TPT1: variants seen among roughly 807,000 people sequenced by gnomAD.
The protein encoded by TPT1 is tumor protein, translationally-controlled 1.
In TPT1, 5 loss-of-function variants were observed where a neutral mutation model predicts 22.8. The observed-to-expected ratio is 0.22, with a 90% CI of 0.11 to 0.46. TPT1 has a LOEUF of 0.46. Among genes scored for constraint, TPT1 ranks in the 20% least tolerant of loss-of-function variants. TPT1 has a pLI of 0.99. For missense variants in TPT1, 130 were observed against 218.7 expected (o/e 0.59, Z 2.56); for synonymous variants, 89 against 73.6 (o/e 1.21, Z -1.07).
rs1239575827 is a variant in TPT1, at chr13:45,336,268, G to A, written c.*1118C>T. ...AGTTGCTTGTGCCACTGCACTACAA[G>A]CCTGGGTGACCGACCTGCCTCAAAA... On this transcript the variant is annotated 3_prime_UTR_variant, in exon 6 of 6. Transcript: ENST00000530705. The A allele has an allele frequency of 1.3e-5, 2 of 152,252 alleles. No individual in the cohort carries two copies. Among genetic ancestry groups the A allele is most frequent in the Non-Finnish European group, 2.9e-5 (2 of 68,074 alleles). 9.4% of individuals were successfully genotyped at this position (152,252 alleles called of 1,614,324 possible).
At position 45,337,379 on chromosome 13, in the gene TPT1, A is replaced by T; in HGVS notation, c.*7T>A. On this transcript the variant is annotated 3_prime_UTR_variant, in exon 6 of 6. Coordinates refer to ENST00000530705, the MANE Select transcript of TPT1 (RefSeq NM_003295.4). The stretch of plus-strand genomic sequence containing the variant: ...AGGTGATAGATCCAAAATAATTGCC[A>T]CATTTGTTACTGTAAAAGCAAAAAC... The T allele has an allele frequency of 6.2e-7, 1 of 1,614,016 alleles. No individual in the cohort carries two copies. Among genetic ancestry groups the T allele is most frequent in the Non-Finnish European group, 8.5e-7 (1 of 1,179,898 alleles).
Position 45,341,143 on chromosome 13 carries a change from C to A in TPT1, c.-74G>T, listed in dbSNP as rs1462769761. On this transcript the variant is annotated 5_prime_UTR_variant, in exon 1 of 6. Coordinates refer to ENST00000530705, the MANE Select transcript of TPT1 (RefSeq NM_003295.4). Reference sequence around the variant, plus strand: ...GAAACTCGGAGCGAGCGCGGTGCAGCCGGAGCGGCGCTCGGGGGGAGGGGG... The same window carrying A: ...GAAACTCGGAGCGAGCGCGGTGCAGACGGAGCGGCGCTCGGGGGGAGGGGG... The A allele has an allele frequency of 6.9e-6, 11 of 1,588,264 alleles. No homozygotes were observed. In the East Asian group the frequency reaches 1.8e-4, roughly 27 times the overall value.
chr13:45,338,003 C>T (rs1027715709), intron 5 of TPT1, among the ~76,000 whole-genome samples: 1 of 152,148 alleles, frequency 6.6e-6, no homozygotes, highest in Admixed American at 6.6e-5. Context: ...ATCAGTAAAC[C>T]AAAGTGAAAA....
intron 3 of TPT1, 34 bp downstream of exon 3, chr13:45,339,960 T>C (rs1878971464): frequency 1.9e-6 from 3 of 1,607,960 alleles, no homozygotes; most frequent in South Asian, 2.2e-5. Flanking sequence ...TGTAAGATTC[T>C]AGACATCAGC....
intron 5 of TPT1, among the ~76,000 whole-genome samples, chr13:45,337,978 G>A (rs993156463): frequency 1.9e-4 from 29 of 152,278 alleles, no homozygotes; most frequent in African/African-American, 6.7e-4. Flanking sequence ...GCTTTTCAAT[G>A]ATCAGCTGCC....
Position 45,334,970 on chromosome 13 carries a change from T to C in TPT1, c.*2416A>G, listed in dbSNP as rs1878579931. ...CCTACTTCCACACCTTCATTTGTTT[T>C]CAAATGTCACATTACAAGGACCTTC... On this transcript the variant is annotated 3_prime_UTR_variant, in exon 6 of 6. Coordinates refer to ENST00000530705, the MANE Select transcript of TPT1 (RefSeq NM_003295.4). 6.6e-6 allele frequency: 1 copy of C among 152,246 alleles called. No individual in the cohort carries two copies. Among genetic ancestry groups the C allele is most frequent in the Non-Finnish European group, 1.5e-5 (1 of 68,048 alleles). 9.4% of individuals were successfully genotyped at this position (152,246 alleles called of 1,614,324 possible). A position where few individuals can be genotyped will look rare whatever the true frequency, so the allele number is the denominator to read the frequency against.
At position 45,337,355 on chromosome 13, in the gene TPT1, G is replaced by C; in HGVS notation, c.*31C>G. 1 of 1,611,236 alleles carries C rather than the reference G, an allele frequency of 6.2e-7. No homozygotes were observed. Among genetic ancestry groups the C allele is most frequent in the East Asian group, 2.2e-5 (1 of 44,856 alleles). Reference sequence around the variant, plus strand: ...CAAGCAGAAGCCAGTTATGATGACAGGTGATAGATCCAAAATAATTGCCAC... The same window carrying C: ...CAAGCAGAAGCCAGTTATGATGACACGTGATAGATCCAAAATAATTGCCAC... On this transcript the variant is annotated 3_prime_UTR_variant, in exon 6 of 6. Transcript: ENST00000530705.
chr13:45,336,471 T>C lies in TPT1; in HGVS notation c.*915A>G, dbSNP rs1459151516. The C allele has an allele frequency of 6.6e-6, 1 of 152,204 alleles. No individual in the cohort carries two copies. Among genetic ancestry groups the C allele is most frequent in the East Asian group, 1.9e-4 (1 of 5,200 alleles). The allele number at this position is 152,204 out of a possible 1,614,324, so 9.4% of individuals were successfully genotyped here. On this transcript the variant is annotated 3_prime_UTR_variant, in exon 6 of 6. Transcript: ENST00000530705. The stretch of plus-strand genomic sequence containing the variant: ...ATTTTCTTATTCAGACACCCCATCT[T>C]TTCAGATACAATATAGAGAACATTT...
In TPT1 at chr13:45,339,094, G is replaced by C. The variant is rs1016083480; in HGVS notation, c.400-318C>G. ...AACCACAGGGAACATAAGGCTGACA[G>C]TGATAGAATATATCATACAGTCTGG... On this transcript the variant is annotated intron_variant, in intron 4 of 5. Transcript: ENST00000530705. The C allele has an allele frequency of 9.4e-5, 29 of 308,448 alleles. No homozygotes were observed. In the East Asian group the frequency reaches 1.8e-3, roughly 19 times the overall value. The allele number at this position is 308,448 out of a possible 1,614,324, so 19.1% of individuals were successfully genotyped here.
At position 45,334,600 on chromosome 13, in the gene TPT1, GTT is replaced by G. The variant is rs1566173488; in HGVS notation, c.*2784_*2785del. 4 of 152,266 alleles carry G rather than the reference GTT, an allele frequency of 2.6e-5. No individual in the cohort carries two copies. In the East Asian group the frequency reaches 7.7e-4, roughly 29 times the overall value. 9.4% of individuals were successfully genotyped at this position (152,266 alleles called of 1,614,324 possible). On this transcript the variant is annotated 3_prime_UTR_variant, in exon 6 of 6. Coordinates refer to ENST00000530705, the MANE Select transcript of TPT1 (RefSeq NM_003295.4). Reference sequence around the variant, plus strand: ...CCATCCTCACCCACCAGCATATCCTGTTGTCTCTATCTTCATTTCCTACCACC... The same window carrying G: ...CCATCCTCACCCACCAGCATATCCTGGTCTCTATCTTCATTTCCTACCACC...
intron 1 of TPT1, 65 bp downstream of exon 1, chr13:45,340,977 C>T (rs1879085170): frequency 3.8e-6 from 6 of 1,570,188 alleles, no homozygotes; most frequent in Non-Finnish European, 5.2e-6. Context: ...GCTGCGCCTT[C>T]CCCGCCCCCA....
rs760884725 is a variant in TPT1, at chr13:45,338,604, C to T, written c.516+56G>A. 1.9e-6 allele frequency: 3 copies of T among 1,587,020 alleles called. 1 individual carries two copies. The highest frequency in any genetic ancestry group is 2.3e-5 in the South Asian group (2 of 86,168). ...TCAGTGTCACAAAACAATTGCAAAT[C>T]ACATCTAAAATGTCTTTTTTACATT... On this transcript the variant is annotated intron_variant, in intron 5 of 5. Transcript: ENST00000530705.
rs1203617194 is a variant in TPT1 at position 45,340,355 on chromosome 13, A to G, written c.103-171T>C. The G allele has an allele frequency of 3.3e-5, 33 of 991,644 alleles. No homozygotes were observed. The East Asian group carries it at 8.6e-4, about 26-fold the overall frequency. 61.4% of individuals were successfully genotyped at this position (991,644 alleles called of 1,614,324 possible). On this transcript the variant is annotated intron_variant, in intron 2 of 5. Transcript: ENST00000530705. ...GGATTTCTCAAAACGACCTAACTTAAAAGAGTTGTCTGTTGGCCGGAACAA... is the reference window on the plus strand; with the variant it reads ...GGATTTCTCAAAACGACCTAACTTAGAAGAGTTGTCTGTTGGCCGGAACAA...
rs906841065 is a variant in TPT1 at position 45,333,491 on chromosome 13, T to C, written c.*3895A>G. 1 of 152,252 alleles carries C rather than the reference T, an allele frequency of 6.6e-6. No individual in the cohort carries two copies. Among genetic ancestry groups the C allele is most frequent in the Admixed American group, 6.5e-5 (1 of 15,280 alleles). 9.4% of individuals were successfully genotyped at this position (152,252 alleles called of 1,614,324 possible). A position where few individuals can be genotyped will look rare whatever the true frequency, so the allele number is the denominator to read the frequency against. Reference sequence around the variant, plus strand: ...CTTTGTTATCAGTGTTCTCTCAAGTTGGTTGAGATTTATTGCTCGTCTTGC... The same window carrying C: ...CTTTGTTATCAGTGTTCTCTCAAGTCGGTTGAGATTTATTGCTCGTCTTGC... On this transcript the variant is annotated 3_prime_UTR_variant, in exon 6 of 6. Transcript: ENST00000530705.
chr13:45,334,076 A>C lies in TPT1; in HGVS notation c.*3310T>G, dbSNP rs940889223. The C allele has an allele frequency of 6.6e-6, 1 of 152,222 alleles. No individual in the cohort carries two copies. Among genetic ancestry groups the C allele is most frequent in the African/African-American group, 2.4e-5 (1 of 41,388 alleles). 9.4% of individuals were successfully genotyped at this position (152,222 alleles called of 1,614,324 possible). A position where few individuals can be genotyped will look rare whatever the true frequency, so the allele number is the denominator to read the frequency against. ...CAGCTCAGCCGCCTGAGTAGCTGGG[A>C]CTACAGATGCCCAATTAATTTTTTT... On this transcript the variant is annotated 3_prime_UTR_variant, in exon 6 of 6. Transcript: ENST00000530705.
At chr13:45,340,971 C>A in intron 1 of TPT1, 71 bp downstream of exon 1, 1 of 1,563,838 alleles carries the variant, frequency 6.4e-7, no homozygotes, top group Non-Finnish European at 8.7e-7. Flanking sequence ...GCGACGGCTG[C>A]GCCTTCCCCG....
In TPT1 at chr13:45,335,971, T is replaced by C. The variant is rs945551122; in HGVS notation, c.*1415A>G. On this transcript the variant is annotated 3_prime_UTR_variant, in exon 6 of 6. Transcript: ENST00000530705. ...GAGTCACTGGCCTGCTTTTAATCTT[T>C]CTTTTACAAGTGTAATCAACCAGGT... The C allele has an allele frequency of 7.9e-5, 12 of 152,166 alleles. No homozygotes were observed. Among genetic ancestry groups the C allele is most frequent in the African/African-American group, 2.7e-4 (11 of 41,424 alleles). The allele number at this position is 152,166 out of a possible 1,614,324, so 9.4% of individuals were successfully genotyped here.
chr13:45,340,027 G>A lies in TPT1; in HGVS notation c.260C>T (p.Ala87Val), dbSNP rs1490519537. The change falls in exon 3 of 6, where the codon GCC becomes GTC. Residue 87 changes from alanine (A) to valine (V), a missense_variant. Physicochemically the swap from Ala to Val is moderately conservative, Grantham distance 64. Coordinates refer to ENST00000530705, the MANE Select transcript of TPT1 (RefSeq NM_003295.4). ...GTAATCTTTGATGTACTTCTTGTAG[G>A]CTTCTTTTGTGAAACTTGTTTCCTG... ...HLQETSFTKE[A>V]YKKYIKDYMK... 6 of 1,613,988 alleles carry A rather than the reference G, an allele frequency of 3.7e-6. No homozygotes were observed. The highest frequency in any genetic ancestry group is 5.1e-6 in the Non-Finnish European group (6 of 1,180,016).
In TPT1 at chr13:45,340,202, A is replaced by G. The variant is rs775080899; in HGVS notation, c.103-18T>C. ...CTGACCATCTGCATTAAGAAAAAGC[A>G]GTATAATTGCAAAAGACACAAACGC... On this transcript the variant is annotated intron_variant, in intron 2 of 5. Transcript: ENST00000530705. The G allele has an allele frequency of 6.3e-7, 1 of 1,599,666 alleles. No individual in the cohort carries two copies. The highest frequency in any genetic ancestry group is 8.5e-7 in the Non-Finnish European group (1 of 1,171,680).
Sources: allele counts gnomAD v4.1 joint callset (sites outside exome capture counted in the v4.1 genomes callset), GRCh38; gene constraint gnomAD v4.1.1; transcripts MANE v1.5; gene names NCBI Gene and HGNC (gene_info 2026-07-23, HGNC 2026-07-21).